Variants in CNTNAP2 observed in about 807,000 individuals in gnomAD.
CNTNAP2 encodes contactin associated protein 2.
In CNTNAP2, 98 loss-of-function variants were observed where a neutral mutation model predicts 155.2. That is an observed-to-expected ratio of 0.63 (90% CI 0.54 to 0.75). CNTNAP2 has a LOEUF of 0.75. CNTNAP2 is among the 30% of genes least tolerant of loss of function. The pLI, the probability that CNTNAP2 is intolerant of heterozygous loss-of-function variation, is 0.00. For synonymous variants in CNTNAP2, 651 were observed against 631.2 expected (o/e 1.03, Z -0.47); for missense variants, 1,727 against 1,688.1 (o/e 1.02, Z -0.40).
chr7:146,711,262 AAATATAT>A (rs2129175109), intron 1 of CNTNAP2, among the ~76,000 whole-genome samples: 1 of 147,080 alleles, frequency 6.8e-6, no homozygotes, highest in African/African-American at 2.5e-5. Flanking sequence ...ATATACATAT[AAATATAT>A]AATATATAAT....
At chr7:147,906,985 T>C (rs1799967791) in intron 14 of CNTNAP2, among the ~76,000 whole-genome samples, 1 of 152,282 alleles carries the variant, frequency 6.6e-6, no homozygotes, top group Non-Finnish European at 1.5e-5. Flanking sequence ...ATCCCACTCC[T>C]TTGCTTCCGT....
intron 8 of CNTNAP2, among the ~76,000 whole-genome samples, chr7:147,141,992 C>T (rs1402534390): frequency 1.3e-5 from 2 of 152,152 alleles, no homozygotes; most frequent in Non-Finnish European, 2.9e-5. Flanking sequence ...ATGGGGTTTT[C>T]TAGATACACA....
chr7:147,760,773 T>G (rs962807721), intron 13 of CNTNAP2, among the ~76,000 whole-genome samples: 5 of 152,168 alleles, frequency 3.3e-5, no homozygotes, highest in African/African-American at 1.2e-4. Context: ...TTGTGCTCTG[T>G]GGACAGTATT....
rs1449334010 is a variant in CNTNAP2, at chr7:146,483,283, ATAT to A, written c.98-290987_98-290985del. Among the ~76,000 whole-genome samples the A allele has an allele frequency of 4.0e-3, 252 of 62,708 alleles. 11 individuals carry two copies. Among genetic ancestry groups the A allele is most frequent in the African/African-American group, 7.5e-3 (159 of 21,336 alleles). 41.1% of individuals were successfully genotyped at this position (62,708 alleles called of 152,430 possible). A position where few individuals can be genotyped will look rare whatever the true frequency, so the allele number is the denominator to read the frequency against. On this transcript the variant is annotated intron_variant, in intron 1 of 23. Transcript: ENST00000361727. ...AGAGCAAGACTCCGTCTAAAAAAAA[ATAT>A]ATATATATATATATATATATATATA...
chr7:147,332,855 C>G (rs1795596639), intron 9 of CNTNAP2, among the ~76,000 whole-genome samples: 1 of 152,040 alleles, frequency 6.6e-6, no homozygotes, highest in Non-Finnish European at 1.5e-5. Context: ...GAATGAGACT[C>G]CACCTCAAAA....
At chr7:147,724,830 T>C (rs961446924) in intron 13 of CNTNAP2, among the ~76,000 whole-genome samples, 1 of 151,804 alleles carries the variant, frequency 6.6e-6, no homozygotes, top group African/African-American at 2.4e-5. Flanking sequence ...CAGAAAACTG[T>C]CAAACTAGAT....
At chr7:146,726,959 T>A (rs1368123531) in intron 1 of CNTNAP2, among the ~76,000 whole-genome samples, 1 of 152,164 alleles carries the variant, frequency 6.6e-6, no homozygotes, top group Non-Finnish European at 1.5e-5. Context: ...ATATATTTAC[T>A]TGCTTGGTTT....
rs531124445 is a variant in CNTNAP2, at chr7:146,352,750, GT to G, written c.97+235798del. Among the ~76,000 whole-genome samples the G allele has an allele frequency of 5.1e-4, 33 of 64,308 alleles. 1 individual carries two copies. Among genetic ancestry groups the G allele is most frequent in the South Asian group, 2.0e-3 (4 of 1,972 alleles). The allele number at this position is 64,308 out of a possible 152,430, so 42.2% of individuals were successfully genotyped here. Reference sequence around the variant, plus strand: ...TTATAATTTCAATTAGCATAATTCTGTTTTTTTTTTTTTTTTTTTTTCGAGA... The same window carrying G: ...TTATAATTTCAATTAGCATAATTCTGTTTTTTTTTTTTTTTTTTTTCGAGA... On this transcript the variant is annotated intron_variant, in intron 1 of 23. Transcript: ENST00000361727.
intron 13 of CNTNAP2, among the ~76,000 whole-genome samples, chr7:147,825,026 G>T (rs1461509049): frequency 3.3e-5 from 5 of 152,100 alleles, no homozygotes; most frequent in African/African-American, 4.8e-5. Context: ...ACTTGCTACG[G>T]ATTATACTGA....
intron 13 of CNTNAP2, among the ~76,000 whole-genome samples, chr7:147,766,035 G>A (rs1205791665): frequency 2.0e-5 from 3 of 152,126 alleles, no homozygotes; most frequent in South Asian, 4.1e-4. Flanking sequence ...CATCTATAGC[G>A]ATGGAAATGA....
chr7:148,181,125 G>A (rs1225136804), intron 18 of CNTNAP2, among the ~76,000 whole-genome samples: 3 of 152,156 alleles, frequency 2.0e-5, no homozygotes, highest in Non-Finnish European at 4.4e-5. Flanking sequence ...GGCTTCTTTT[G>A]TTCTGAGGCC....
intron 12 of CNTNAP2, among the ~76,000 whole-genome samples, chr7:147,579,115 C>A (rs1430086257): frequency 6.6e-6 from 1 of 151,910 alleles, no homozygotes; most frequent in Non-Finnish European, 1.5e-5. Flanking sequence ...TCATTATGTT[C>A]TTTTTTAAAT....
At chr7:148,273,492 G>A (rs11767379) in intron 21 of CNTNAP2, among the ~76,000 whole-genome samples, 50,145 of 152,050 alleles carry the variant, frequency 0.33, 10,235 homozygotes, top group East Asian at 0.6. Flanking sequence ...TTATTTCTGA[G>A]CCCTCTTTAA....
intron 1 of CNTNAP2, among the ~76,000 whole-genome samples, chr7:146,607,912 T>C (rs559492805): frequency 6.6e-6 from 1 of 152,334 alleles, no homozygotes; most frequent in African/African-American, 2.4e-5. Context: ...TCCTTCAAGT[T>C]TACCATGCCT....
At chr7:147,402,042 G>A (rs547306284) in intron 10 of CNTNAP2, among the ~76,000 whole-genome samples, 1 of 152,288 alleles carries the variant, frequency 6.6e-6, no homozygotes, top group South Asian at 2.1e-4. Context: ...TCTAAAATTT[G>A]TCTTCATTCG....
At chr7:147,301,427 G>T (rs377270094) in intron 9 of CNTNAP2, among the ~76,000 whole-genome samples, 4 of 151,916 alleles carry the variant, frequency 2.6e-5, no homozygotes, top group Admixed American at 6.6e-5. Flanking sequence ...CCTAAATCAC[G>T]CAATGTGAGA....
At chr7:147,829,083 G>A (rs539495122) in intron 13 of CNTNAP2, among the ~76,000 whole-genome samples, 8 of 152,160 alleles carry the variant, frequency 5.3e-5, no homozygotes, top group Non-Finnish European at 1.0e-4. Flanking sequence ...TGAGCCTTTA[G>A]TGTGTCCCAG....
chr7:146,536,299 A>G (rs1797867808), intron 1 of CNTNAP2, among the ~76,000 whole-genome samples: 1 of 152,232 alleles, frequency 6.6e-6, no homozygotes, highest in South Asian at 2.1e-4. Context: ...ACTTATATAC[A>G]TAGAAGAGAG....
intron 1 of CNTNAP2, among the ~76,000 whole-genome samples, chr7:146,268,301 G>T (rs1194287282): frequency 6.6e-6 from 1 of 152,156 alleles, no homozygotes; most frequent in Non-Finnish European, 1.5e-5. Flanking sequence ...GCTGAATCTT[G>T]TCCTCTGCCC....
Sources: gnomAD v4.1 joint callset for allele counts (sites outside exome capture counted in the v4.1 genomes callset) on GRCh38, gnomAD v4.1.1 for gene constraint, MANE v1.5 for transcripts, NCBI Gene and HGNC (gene_info 2026-07-23, HGNC 2026-07-21) for gene names.